Variants in MAGI2 observed in about 807,000 individuals in gnomAD.
MAGI2 encodes the protein membrane associated guanylate kinase, WW and PDZ domain containing 2, also known as membrane-associated guanylate kinase, WW and PDZ domain-containing protein 2.
Under a neutral mutation model 133.3 loss-of-function variants are expected in MAGI2, and 35 were observed. The observed-to-expected ratio is 0.26, with a 90% CI of 0.20 to 0.35. MAGI2 has a LOEUF of 0.35. Ranked by LOEUF, MAGI2 falls within the 10% of genes least tolerant of loss-of-function variation. The pLI is 1.00. For missense variants in MAGI2, 1,636 were observed against 1,863.4 expected (o/e 0.88, Z 2.25); for synonymous variants, 729 against 710.6 (o/e 1.03, Z -0.41).
At chr7:79,424,294 T>C (rs1847183566) in intron 1 of MAGI2, among the ~76,000 whole-genome samples, 1 of 151,756 alleles carries the variant, frequency 6.6e-6, no homozygotes, top group African/African-American at 2.4e-5. Context: ...AATAGTATGG[T>C]AAGTGAAATA....
At chr7:78,222,292 A>T (rs1260809227) in intron 10 of MAGI2, among the ~76,000 whole-genome samples, 1 of 152,198 alleles carries the variant, frequency 6.6e-6, no homozygotes, top group Non-Finnish European at 1.5e-5. Context: ...ACTCCTGTAC[A>T]CAATCTATCA....
In MAGI2 at chr7:78,624,927, G is replaced by T. The variant is rs867304121; in HGVS notation, c.538+2193C>A. Among the ~76,000 whole-genome samples, 12 of 151,824 alleles carry T rather than the reference G, an allele frequency of 7.9e-5. 1 individual carries two copies. Among genetic ancestry groups the T allele is most frequent in the African/African-American group, 1.7e-4 (7 of 41,338 alleles). ...GTATTCCTTCTACTTATTAAAAAAC[G>T]TTAACTGTTAAACAGCCTCGGGCAG... On this transcript the variant is annotated intron_variant, in intron 3 of 21. Coordinates refer to ENST00000354212, the MANE Select transcript of MAGI2 (RefSeq NM_012301.4).
intron 1 of MAGI2, among the ~76,000 whole-genome samples, chr7:79,234,946 T>A (rs1296904221): frequency 1.3e-5 from 2 of 152,028 alleles, no homozygotes; most frequent in African/African-American, 4.8e-5. Flanking sequence ...TGGTCTTTGA[T>A]GATGGTGATG....
At chr7:78,665,328 C>T (rs1813434416) in intron 2 of MAGI2, among the ~76,000 whole-genome samples, 1 of 152,022 alleles carries the variant, frequency 6.6e-6, no homozygotes, top group Admixed American at 6.6e-5. Context: ...CTAACATATA[C>T]ATATAGGATA....
chr7:79,430,276 C>T (rs1014859127), intron 1 of MAGI2, among the ~76,000 whole-genome samples: 2 of 151,948 alleles, frequency 1.3e-5, no homozygotes, highest in African/African-American at 4.8e-5. Context: ...TTTAGTTACC[C>T]TTCACAATTA....
chr7:78,335,993 C>T (rs1455373667), intron 9 of MAGI2, among the ~76,000 whole-genome samples: 1 of 152,074 alleles, frequency 6.6e-6, no homozygotes, highest in Non-Finnish European at 1.5e-5. Context: ...CATGTCTAAA[C>T]CGTTAAATCA....
rs577027238 is a variant in MAGI2, at chr7:79,024,200, C to A, written c.302-16994G>T. 6.6e-5 allele frequency among the ~76,000 whole-genome samples: 10 copies of A among 152,198 alleles called. 1 individual carries two copies. In the South Asian group the frequency reaches 2.1e-3, roughly 32 times the overall value. On this transcript the variant is annotated intron_variant, in intron 1 of 21. Transcript: ENST00000354212. ...TTCCCCACACCTACAATCATCTGATCTTTGAGAAAATCCACAAAAACAAGC... is the reference window on the plus strand; with the variant it reads ...TTCCCCACACCTACAATCATCTGATATTTGAGAAAATCCACAAAAACAAGC...
At chr7:78,332,653 G>A (rs1430575261) in intron 9 of MAGI2, among the ~76,000 whole-genome samples, 4 of 146,188 alleles carry the variant, frequency 2.7e-5, no homozygotes, top group African/African-American at 1.0e-4. Flanking sequence ...AGCCAAGATC[G>A]CGCCACTGCA....
At chr7:79,242,134 A>C (rs925813869) in intron 1 of MAGI2, among the ~76,000 whole-genome samples, 1 of 152,326 alleles carries the variant, frequency 6.6e-6, no homozygotes, top group Admixed American at 6.5e-5. Flanking sequence ...TATGGTGATT[A>C]TAGTTAATAA....
chr7:78,054,854 C>T (rs551176812), intron 21 of MAGI2, among the ~76,000 whole-genome samples: 87 of 152,140 alleles, frequency 5.7e-4, no homozygotes, highest in Admixed American at 2.4e-3. Context: ...GGTCCCACTA[C>T]GTTGGCCAGG....
chr7:79,114,371 G>C (rs975999889), intron 1 of MAGI2, among the ~76,000 whole-genome samples: 4 of 152,172 alleles, frequency 2.6e-5, no homozygotes, highest in African/African-American at 9.6e-5. Context: ...CCAAGAGTCA[G>C]GGTGGTAGAT....
intron 20 of MAGI2, among the ~76,000 whole-genome samples, chr7:78,093,004 G>T (rs111869072): frequency 1.3e-5 from 2 of 151,520 alleles, no homozygotes; most frequent in Non-Finnish European, 2.9e-5. Flanking sequence ...GGTGTGGTGG[G>T]GGGTGCCTGT....
At chr7:78,988,209 A>T (rs7795746) in intron 2 of MAGI2, among the ~76,000 whole-genome samples, 3,072 of 152,180 alleles carry the variant, frequency 0.02, 66 homozygotes, top group African/African-American at 0.064. Flanking sequence ...CATGTCCAGA[A>T]CTAGTCACAT....
intron 2 of MAGI2, among the ~76,000 whole-genome samples, chr7:78,700,907 ATATAT>A (rs1481527414): frequency 7.9e-5 from 12 of 151,478 alleles, no homozygotes. Context: ...CTTAAAAGTA[ATATAT>A]TAAATTTAAA....
intron 2 of MAGI2, among the ~76,000 whole-genome samples, chr7:79,002,529 C>A (rs933997506): frequency 2.0e-5 from 3 of 151,892 alleles, no homozygotes; most frequent in African/African-American, 4.8e-5. Flanking sequence ...TTTTTAGTAG[C>A]TATAAAATAA....
At chr7:79,214,449 GCA>G (rs1455909636) in intron 1 of MAGI2, among the ~76,000 whole-genome samples, 1 of 40,262 alleles carries the variant, frequency 2.5e-5, no homozygotes, top group African/African-American at 9.4e-5. Flanking sequence ...ATATAAATAT[GCA>G]CACACACACA....
intron 1 of MAGI2, among the ~76,000 whole-genome samples, chr7:79,442,451 A>AGTGT (rs3028947): frequency 0.19 from 27,488 of 145,086 alleles, 2,646 homozygotes; most frequent in African/African-American, 0.25. Context: ...GTGTTTGAAG[A>AGTGT]GTGTGTGTGT....
intron 16 of MAGI2, among the ~76,000 whole-genome samples, chr7:78,142,077 A>T (rs1822820378): frequency 6.6e-6 from 1 of 152,084 alleles, no homozygotes; most frequent in Non-Finnish European, 1.5e-5. Context: ...GTTAAAATGG[A>T]TTTGTTGTTT....
chr7:78,061,521 T>C (rs1455568720), intron 21 of MAGI2, among the ~76,000 whole-genome samples: 1 of 151,860 alleles, frequency 6.6e-6, no homozygotes, highest in African/African-American at 2.4e-5. Context: ...CCTTAATTAA[T>C]AGGTGATTCA....
Sources: gnomAD v4.1 joint callset for allele counts (sites outside exome capture counted in the v4.1 genomes callset) on GRCh38, gnomAD v4.1.1 for gene constraint, MANE v1.5 for transcripts, NCBI Gene and HGNC (gene_info 2026-07-23, HGNC 2026-07-21) for gene names.